PCDH9: variants seen among roughly 807,000 people sequenced by gnomAD.
PCDH9 encodes the protein protocadherin-9.
Under a neutral mutation model 70.6 loss-of-function variants are expected in PCDH9, and 24 were observed. The observed-to-expected ratio is 0.34, with a 90% CI of 0.25 to 0.48. PCDH9 has a LOEUF of 0.48. PCDH9 is among the 20% of genes least tolerant of loss of function. PCDH9 has a pLI of 0.99. For synonymous variants in PCDH9, 562 were observed against 558.5 expected, an observed-to-expected ratio of 1.01 and a Z score of -0.09; for missense variants, 1,281 against 1,503.6, an observed-to-expected ratio of 0.85 and a Z score of 2.45.
At chr13:67,067,879 G>A (rs2085681636) in intron 2 of PCDH9, among the ~76,000 whole-genome samples, 1 of 151,898 alleles carries the variant, frequency 6.6e-6, no homozygotes, top group East Asian at 1.9e-4. Flanking sequence ...GGTCAGAAAA[G>A]CCTTCAACTA....
At chr13:66,398,273 T>A (rs1285388187) in intron 4 of PCDH9, among the ~76,000 whole-genome samples, 1 of 151,984 alleles carries the variant, frequency 6.6e-6, no homozygotes, top group Non-Finnish European at 1.5e-5. Flanking sequence ...GTGTAGAATT[T>A]TTTGGGTTGA....
intron 2 of PCDH9, among the ~76,000 whole-genome samples, chr13:66,990,043 G>A (rs1423587690): frequency 6.6e-6 from 1 of 151,834 alleles, no homozygotes; most frequent in African/African-American, 2.4e-5. Flanking sequence ...AACTAACAAA[G>A]ATATTTAAGA....
At chr13:66,944,310 G>A (rs1402403132) in intron 2 of PCDH9, among the ~76,000 whole-genome samples, 7 of 151,926 alleles carry the variant, frequency 4.6e-5, no homozygotes, top group Admixed American at 4.6e-4. Context: ...AACATATTTA[G>A]CATAAAGAGA....
At chr13:66,376,729 TAGA>T (rs1956753893) in intron 4 of PCDH9, among the ~76,000 whole-genome samples, 2 of 152,244 alleles carry the variant, frequency 1.3e-5, no homozygotes, top group South Asian at 4.1e-4. Context: ...TAGATCTATG[TAGA>T]AGATTATGAA....
At chr13:66,616,299 AGGCCT>A (rs1314982934) in intron 4 of PCDH9, among the ~76,000 whole-genome samples, 3 of 152,144 alleles carry the variant, frequency 2.0e-5, no homozygotes, top group African/African-American at 7.2e-5. Context: ...CCAATCCAAA[AGGCCT>A]ATGTAGAAAC....
intron 3 of PCDH9, among the ~76,000 whole-genome samples, chr13:66,718,683 A>T (rs541419525): frequency 6.6e-6 from 1 of 152,352 alleles, no homozygotes; most frequent in African/African-American, 2.4e-5. Flanking sequence ...TTTTCGAGGG[A>T]ACAACCAAAA....
intron 3 of PCDH9, among the ~76,000 whole-genome samples, chr13:66,662,631 C>G (rs908865605): frequency 6.6e-6 from 1 of 152,068 alleles, no homozygotes; most frequent in Non-Finnish European, 1.5e-5. Flanking sequence ...TGGAGCAGAC[C>G]GTCATACATG....
At chr13:66,981,666 C>T (rs9571706) in intron 2 of PCDH9, among the ~76,000 whole-genome samples, 17,123 of 151,870 alleles carry the variant, frequency 0.11, 1,302 homozygotes, top group East Asian at 0.35. Context: ...TCTTGCTATT[C>T]CATAAAGTAA....
chr13:66,791,992 A>C (rs1213102652), intron 3 of PCDH9, among the ~76,000 whole-genome samples: 3 of 152,170 alleles, frequency 2.0e-5, no homozygotes, highest in African/African-American at 4.8e-5. Context: ...GAATTTTATA[A>C]TAAAAATCAA....
chr13:66,960,541 T>C (rs1400897280), intron 2 of PCDH9, among the ~76,000 whole-genome samples: 3 of 152,172 alleles, frequency 2.0e-5, no homozygotes, highest in African/African-American at 7.2e-5. Flanking sequence ...GCCCAAGAAA[T>C]AATGAAGGTC....
chr13:66,502,366 G>A (rs1959181126), intron 4 of PCDH9, among the ~76,000 whole-genome samples: 2 of 152,166 alleles, frequency 1.3e-5, no homozygotes, highest in Admixed American at 6.5e-5. Context: ...CTATTGGGCA[G>A]AGCTGTTCCA....
chr13:66,303,261 C>T lies in PCDH9; in HGVS notation c.*1394G>A, dbSNP rs1048666241. The T allele has an allele frequency of 2.6e-5, 4 of 152,214 alleles. No homozygotes were observed. Among genetic ancestry groups the T allele is most frequent in the Non-Finnish European group, 4.4e-5 (3 of 67,926 alleles). The allele number at this position is 152,214 out of a possible 1,614,324, so 9.4% of individuals were successfully genotyped here. ...TTAACAAAAACCTCCTAAGAATGTT[C>T]GAATTTGGATTTGTTTGCACGTGCA... On this transcript the variant is annotated 3_prime_UTR_variant, in exon 5 of 5. Transcript: ENST00000377865.
intron 2 of PCDH9, among the ~76,000 whole-genome samples, chr13:67,071,537 A>T (rs975593957): frequency 6.6e-6 from 1 of 152,152 alleles, no homozygotes; most frequent in African/African-American, 2.4e-5. Context: ...TTCTATGTAA[A>T]TAGAACACAA....
At position 67,227,695 on chromosome 13, in the gene PCDH9, C is replaced by T; in HGVS notation, c.746G>A (p.Arg249Lys). ...CACTTGACCCTCTTTAAACACTGGC[C>T]TGTTGTCATTTACATCACTTACTGT... ...QVTVSDVNDNRPVFKEGQVEV... is the reference protein window; with the variant it reads ...QVTVSDVNDNKPVFKEGQVEV... Residue 249 changes from arginine to lysine, a missense_variant, in exon 2 of 5, where the codon AGG becomes AAG. Arg to Lys is a conservative substitution (Grantham distance 26). This residue lies in a region of PCDH9 where 798 missense variants were observed against 1,003.1 expected (regional missense o/e 0.80). Coordinates refer to ENST00000377865, the MANE Select transcript of PCDH9 (RefSeq NM_203487.3). This position sits in a 1 kb window ranked among gnomAD's most constrained non-coding sequence, Gnocchi z 4.6. The T allele has an allele frequency of 6.2e-7, 1 of 1,614,080 alleles. No individual in the cohort carries two copies. Among genetic ancestry groups the T allele is most frequent in the Non-Finnish European group, 8.5e-7 (1 of 1,179,940 alleles).
intron 2 of PCDH9, among the ~76,000 whole-genome samples, chr13:67,089,776 T>G (rs965931875): frequency 1.1e-4 from 16 of 152,172 alleles, no homozygotes; most frequent in African/African-American, 3.8e-4. Context: ...ATTTCAGCAT[T>G]TATTTTTTGT....
intron 3 of PCDH9, among the ~76,000 whole-genome samples, chr13:66,801,996 C>CTGTTTGTA (rs905160709): frequency 7.4e-5 from 11 of 149,614 alleles, no homozygotes; most frequent in African/African-American, 2.2e-4. Context: ...AGGTGTTTTT[C>CTGTTTGTA]TGTTTGTTTG....
chr13:66,672,685 G>A (rs757247590), intron 3 of PCDH9, among the ~76,000 whole-genome samples: 3 of 152,206 alleles, frequency 2.0e-5, no homozygotes, highest in Non-Finnish European at 4.4e-5. Context: ...AGCCACAGGC[G>A]CAGAGCTGCC....
intron 3 of PCDH9, among the ~76,000 whole-genome samples, chr13:66,833,605 T>G (rs2080965052): frequency 6.6e-6 from 1 of 152,210 alleles, no homozygotes. Flanking sequence ...CTAAAGATTA[T>G]ATTTACAAGG....
intron 2 of PCDH9, among the ~76,000 whole-genome samples, chr13:66,981,614 A>G (rs981739120): frequency 6.6e-6 from 1 of 151,988 alleles, no homozygotes; most frequent in Non-Finnish European, 1.5e-5. Flanking sequence ...TACAATTTCC[A>G]GCAAAAAGAA....
Sources: gnomAD v4.1 joint callset for allele counts (sites outside exome capture counted in the v4.1 genomes callset) on GRCh38, gnomAD v4.1.1 for gene constraint, gnomAD v4.1.1 regional missense constraint, Gnocchi (gnomAD v3.1) non-coding constraint, MANE v1.5 for transcripts, NCBI Gene and HGNC (gene_info 2026-07-23, HGNC 2026-07-21) for gene names.